Variants in SAMTOR observed in about 807,000 individuals in gnomAD.
SAMTOR encodes UPF0532 protein C7orf60.
chr7:112,882,326 G>C, the SAMTOR span, among the ~76,000 whole-genome samples: 2 of 152,208 alleles, frequency 1.3e-5, no homozygotes, highest in African/African-American at 4.8e-5. Context: ...GCAAAACTTG[G>C]ACAAAGGCAC....
chr7:112,842,515 A>T, the SAMTOR span, among the ~76,000 whole-genome samples: 1 of 151,970 alleles, frequency 6.6e-6, no homozygotes, highest in East Asian at 1.9e-4. Context: ...TTACCTAAGA[A>T]GATTTATCCA....
the SAMTOR span, among the ~76,000 whole-genome samples, chr7:112,860,399 T>C: frequency 2.6e-5 from 4 of 152,176 alleles, no homozygotes; most frequent in Non-Finnish European, 4.4e-5. Flanking sequence ...TGTTATCTGA[T>C]GGTTGAGCTT....
the SAMTOR span, among the ~76,000 whole-genome samples, chr7:112,881,283 C>A: frequency 6.6e-6 from 1 of 152,218 alleles, no homozygotes; most frequent in African/African-American, 2.4e-5. Flanking sequence ...GGTGCAGGCA[C>A]CCCTTGGCAT....
chr7:112,875,086 T>C, the SAMTOR span, among the ~76,000 whole-genome samples: 1 of 152,180 alleles, frequency 6.6e-6, no homozygotes, highest in African/African-American at 2.4e-5. Flanking sequence ...TTCAGTCAGA[T>C]GATGCCTCTG....
the SAMTOR span, among the ~76,000 whole-genome samples, chr7:112,923,426 A>G: frequency 6.6e-6 from 1 of 152,112 alleles, no homozygotes; most frequent in Non-Finnish European, 1.5e-5. Flanking sequence ...CTATTGTCCT[A>G]TGACCCTGCC....
the SAMTOR span, among the ~76,000 whole-genome samples, chr7:112,862,949 G>A: frequency 3.3e-5 from 5 of 151,548 alleles, no homozygotes; most frequent in Admixed American, 3.3e-4. Flanking sequence ...GTGGGGGCTA[G>A]AATTCTCTAA....
chr7:112,837,777 C>T, the SAMTOR span, among the ~76,000 whole-genome samples: 1 of 151,884 alleles, frequency 6.6e-6, no homozygotes, highest in East Asian at 1.9e-4. Context: ...AACAATGGCT[C>T]TTATGGAAAC....
the SAMTOR span, among the ~76,000 whole-genome samples, chr7:112,829,169 T>A: frequency 6.6e-6 from 1 of 152,166 alleles, no homozygotes; most frequent in African/African-American, 2.4e-5. Flanking sequence ...ATTTAAAAAA[T>A]TTTCTGTTTC....
At chr7:112,848,950 G>T in the SAMTOR span, among the ~76,000 whole-genome samples, 351 of 151,968 alleles carry the variant, frequency 2.3e-3, 1 homozygote, top group African/African-American at 8.3e-3. Context: ...TCGGGATGCT[G>T]AGGCAAGAGA....
chr7:112,847,703 G>A, the SAMTOR span, among the ~76,000 whole-genome samples: 19 of 151,938 alleles, frequency 1.3e-4, no homozygotes, highest in African/African-American at 3.1e-4. Context: ...GCTTGAACGC[G>A]GGAGGCGGAG....
chr7:112,842,532 T>A, the SAMTOR span, among the ~76,000 whole-genome samples: 1 of 151,964 alleles, frequency 6.6e-6, no homozygotes, highest in Non-Finnish European at 1.5e-5. Context: ...TCCATCATTT[T>A]AAAAAAGTTT....
chr7:112,869,942 C>A, the SAMTOR span, among the ~76,000 whole-genome samples: 10 of 152,082 alleles, frequency 6.6e-5, no homozygotes, highest in Non-Finnish European at 1.5e-4. Flanking sequence ...ACAGACTAGA[C>A]AAAGCAGAAG....
the SAMTOR span, among the ~76,000 whole-genome samples, chr7:112,937,410 A>C: frequency 6.6e-6 from 1 of 152,198 alleles, no homozygotes; most frequent in Admixed American, 6.5e-5. Context: ...TCAGATTACA[A>C]TAACAGCTGA....
the SAMTOR span, among the ~76,000 whole-genome samples, chr7:112,840,381 G>C: frequency 6.6e-6 from 1 of 151,650 alleles, no homozygotes; most frequent in African/African-American, 2.4e-5. Flanking sequence ...ATTATTACTG[G>C]TGTATATCTG....
At chr7:112,897,951 C>T in the SAMTOR span, among the ~76,000 whole-genome samples, 1 of 152,202 alleles carries the variant, frequency 6.6e-6, no homozygotes, top group African/African-American at 2.4e-5. Flanking sequence ...ATACCATCCT[C>T]TCCCAAGCCC....
the SAMTOR span, among the ~76,000 whole-genome samples, chr7:112,896,219 TTGTA>T: frequency 6.6e-6 from 1 of 152,056 alleles, no homozygotes; most frequent in African/African-American, 2.4e-5. Context: ...GTGTGTGTGT[TTGTA>T]TGTATGTGTA....
chr7:112,832,500 T>C, the SAMTOR span: 1 of 932,706 alleles, frequency 1.1e-6, no homozygotes, highest in Admixed American at 1.9e-5. Context: ...GCAAAGACAG[T>C]GCTTTTCTTT....
chr7:112,858,712 C>G, the SAMTOR span, among the ~76,000 whole-genome samples: 1 of 152,018 alleles, frequency 6.6e-6, no homozygotes, highest in Non-Finnish European at 1.5e-5. Context: ...TTTAACAAGG[C>G]TATTTGTACA....
the SAMTOR span, among the ~76,000 whole-genome samples, chr7:112,831,426 G>T: frequency 4.6e-5 from 7 of 152,120 alleles, no homozygotes; most frequent in Non-Finnish European, 7.4e-5. Flanking sequence ...GGAGGTTGAG[G>T]CAGGTGGATC....
Sources: gnomAD v4.1 joint callset for allele counts (sites outside exome capture counted in the v4.1 genomes callset) on GRCh38, gnomAD v4.1.1 for gene constraint, MANE v1.5 for transcripts, NCBI Gene and HGNC (gene_info 2026-07-23, HGNC 2026-07-21) for gene names.